ANO6: variants seen among roughly 807,000 people sequenced by gnomAD.
The protein encoded by ANO6 is anoctamin 6.
Under a neutral mutation model 117.5 loss-of-function variants are expected in ANO6, and 106 were observed. The observed-to-expected ratio is 0.90, with a 90% confidence interval of 0.77 to 1.06. The LOEUF (loss-of-function observed/expected upper bound fraction) is 1.06. Among genes scored for constraint, ANO6 ranks in the 50% least tolerant of loss-of-function variants. The pLI, the probability that ANO6 is intolerant of heterozygous loss-of-function variation, is 0.00. For synonymous variants in ANO6, 367 were observed against 385.1 expected (o/e 0.95, Z 0.55); for missense variants, 955 against 1,121.1 (o/e 0.85, Z 2.12).
chr12:45,345,887 G>A (rs919400881), intron 3 of ANO6, among the ~76,000 whole-genome samples: 7 of 151,822 alleles, frequency 4.6e-5, no homozygotes, highest in Non-Finnish European at 7.4e-5. Flanking sequence ...AGGCTGGGAA[G>A]TCTGAGATCA....
chr12:45,307,517 T>C (rs1254859808), intron 2 of ANO6, among the ~76,000 whole-genome samples: 1 of 152,120 alleles, frequency 6.6e-6, no homozygotes, highest in Non-Finnish European at 1.5e-5. Flanking sequence ...AATTCTGTTT[T>C]GGATATGTAA....
chr12:45,337,673 C>T (rs1940864980), intron 3 of ANO6, among the ~76,000 whole-genome samples: 1 of 151,806 alleles, frequency 6.6e-6, no homozygotes, highest in Non-Finnish European at 1.5e-5. Flanking sequence ...AGATGTTGGT[C>T]AAAGGATACA....
chr12:45,365,413 G>A (rs759805988), intron 8 of ANO6, among the ~76,000 whole-genome samples: 7 of 152,108 alleles, frequency 4.6e-5, no homozygotes, highest in Admixed American at 2.6e-4. Context: ...CTCTTGTTAC[G>A]GTATCACTGC....
intron 2 of ANO6, among the ~76,000 whole-genome samples, chr12:45,321,906 A>G (rs1377256942): frequency 6.6e-6 from 1 of 152,170 alleles, no homozygotes; most frequent in Non-Finnish European, 1.5e-5. Flanking sequence ...TAGTAAAGTT[A>G]GTACTTATTA....
intron 1 of ANO6, among the ~76,000 whole-genome samples, chr12:45,249,525 T>G (rs918491419): frequency 6.6e-6 from 1 of 152,300 alleles, no homozygotes; most frequent in African/African-American, 2.4e-5. Flanking sequence ...AAATTAGTGT[T>G]TTACTGATAA....
chr12:45,301,917 A>G lies in ANO6; in HGVS notation c.71-97A>G, dbSNP rs924028571. ...AATATAAACCTGTCAATGTGCTACC[A>G]ATGTTAATAACCCGGTGCTGCTGAT... is the stretch of plus-strand genomic sequence containing the variant. On this transcript the variant is annotated intron_variant, in intron 1 of 19. Coordinates refer to ENST00000320560, the MANE Select transcript of ANO6 (RefSeq NM_001025356.3). 9.1e-5 allele frequency: 89 copies of G among 981,458 alleles called. No homozygotes were observed. The African/African-American group carries it at 1.3e-3, about 14-fold the overall frequency. 60.8% of individuals were successfully genotyped at this position (981,458 alleles called of 1,614,324 possible).
chr12:45,364,203 C>T (rs1040280126), intron 8 of ANO6, among the ~76,000 whole-genome samples: 1 of 152,164 alleles, frequency 6.6e-6, no homozygotes, highest in East Asian at 1.9e-4. Flanking sequence ...AATCACTTTT[C>T]TCTTCCTGCT....
chr12:45,263,203 TAC>T (rs1938100610), intron 1 of ANO6, among the ~76,000 whole-genome samples: 1 of 151,906 alleles, frequency 6.6e-6, no homozygotes, highest in South Asian at 2.1e-4. Context: ...CAGGGGCCGG[TAC>T]AAGATGTTCT....
intron 1 of ANO6, among the ~76,000 whole-genome samples, chr12:45,226,433 AAAG>A (rs990406931): frequency 6.6e-6 from 1 of 151,750 alleles, no homozygotes; most frequent in African/African-American, 2.4e-5. Context: ...ATTGAAAAAA[AAAG>A]GGACATTGGC....
At chr12:45,230,028 T>C (rs1175348076) in intron 1 of ANO6, among the ~76,000 whole-genome samples, 1 of 152,216 alleles carries the variant, frequency 6.6e-6, no homozygotes, top group African/African-American at 2.4e-5. Context: ...TTATTAATAT[T>C]GTGGGTAGTT....
chr12:45,298,651 G>GT (rs913840615), intron 1 of ANO6, among the ~76,000 whole-genome samples: 13 of 152,112 alleles, frequency 8.5e-5, no homozygotes, highest in African/African-American at 3.1e-4. Flanking sequence ...CAGATTTACA[G>GT]TTTTTTCTTT....
At chr12:45,285,087 G>A (rs1489829991) in intron 1 of ANO6, among the ~76,000 whole-genome samples, 16 of 152,188 alleles carry the variant, frequency 1.1e-4, no homozygotes, top group Admixed American at 1.0e-3. Flanking sequence ...GATATTTTCT[G>A]GAGTAAAAAT....
chr12:45,247,429 A>T (rs1241888798), intron 1 of ANO6, among the ~76,000 whole-genome samples: 1 of 152,208 alleles, frequency 6.6e-6, no homozygotes, highest in African/African-American at 2.4e-5. Flanking sequence ...GGTTGCTAAG[A>T]TTAAGGATCA....
chr12:45,276,242 T>C (rs1359471799), intron 1 of ANO6, among the ~76,000 whole-genome samples: 1 of 152,222 alleles, frequency 6.6e-6, no homozygotes, highest in Non-Finnish European at 1.5e-5. Context: ...ACTACTATCA[T>C]CTTAGGCCAG....
At chr12:45,436,953 T>C (rs1943713948), downstream of ANO6, among the ~76,000 whole-genome samples, 2 of 151,884 alleles carry the variant, frequency 1.3e-5, no homozygotes, top group African/African-American at 4.8e-5. Context: ...GCAACAAGAG[T>C]GAAACTCTGT....
chr12:45,430,135 T>C lies in ANO6; in HGVS notation c.*824T>C, dbSNP rs781381536. The C allele has an allele frequency of 1.1e-5, 11 of 985,320 alleles. No homozygotes were observed. Among genetic ancestry groups the C allele is most frequent in the African/African-American group, 1.7e-5 (1 of 57,246 alleles). 61.0% of individuals were successfully genotyped at this position (985,320 alleles called of 1,614,324 possible). A position where few individuals can be genotyped will look rare whatever the true frequency, so the allele number is the denominator to read the frequency against. On this transcript the variant is annotated 3_prime_UTR_variant, in exon 20 of 20. Transcript: ENST00000320560. Reference sequence around the variant, plus strand: ...TCATGTTGATCTGGATAATTAATCTTTTCTAAAGATGTGTAGTTTCTTGGA... The same window carrying C: ...TCATGTTGATCTGGATAATTAATCTCTTCTAAAGATGTGTAGTTTCTTGGA...
intron 15 of ANO6, among the ~76,000 whole-genome samples, chr12:45,404,450 T>C (rs1942879205): frequency 6.6e-6 from 1 of 152,178 alleles, no homozygotes; most frequent in South Asian, 2.1e-4. Flanking sequence ...TAACATGTAA[T>C]ATTTTATGGT....
chr12:45,436,467 C>T (rs1462534538), downstream of ANO6, among the ~76,000 whole-genome samples: 1 of 152,164 alleles, frequency 6.6e-6, no homozygotes, highest in Non-Finnish European at 1.5e-5. Context: ...GTTTCCACTA[C>T]TTGGCGTCAT....
Position 45,416,848 on chromosome 12 carries a change from A to C in ANO6, c.2161A>C (p.Ile721Leu), listed in dbSNP as rs750310144. 1 of 1,614,198 alleles carries C rather than the reference A, an allele frequency of 6.2e-7. No individual in the cohort carries two copies. The highest frequency in any genetic ancestry group is 1.3e-5 in the African/African-American group (1 of 75,066). Residue 721 changes from isoleucine (I) to leucine (L), a missense_variant, in exon 17 of 20, where the codon ATT (isoleucine) becomes CTT (leucine). Transcript: ENST00000320560. ...CCTGGTACCAGAGAAAGCCCAAGAC[A>C]TTGGAGCATGGCAGCCCATCATGCA... ...RRLVPEKAQD[I>L]GAWQPIMQGI...
Sources: allele counts gnomAD v4.1 joint callset (sites outside exome capture counted in the v4.1 genomes callset), GRCh38; gene constraint gnomAD v4.1.1; transcripts MANE v1.5; gene names NCBI Gene and HGNC (gene_info 2026-07-23, HGNC 2026-07-21).